Variants in FBRSL1 observed in about 807,000 individuals in gnomAD.
The protein encoded by FBRSL1 is fibrosin like 1.
FBRSL1 carries 51 observed loss-of-function variants against 89.6 expected under a neutral mutation model. That is an observed-to-expected ratio of 0.57 (90% CI 0.45 to 0.72). The LOEUF (loss-of-function observed/expected upper bound fraction) is 0.72, where lower values mean the gene tolerates loss of function less well. Among genes scored for constraint, FBRSL1 ranks in the 30% least tolerant of loss-of-function variants. The pLI, the probability that FBRSL1 is intolerant of heterozygous loss-of-function variation, is 0.00. For synonymous variants in FBRSL1, 779 were observed against 681.1 expected (o/e 1.14, Z -2.24); for missense variants, 1,618 against 1,451.8 (o/e 1.11, Z -1.86).
At chr12:132,537,591 T>G (rs906760778) in intron 4 of FBRSL1, among the ~76,000 whole-genome samples, 1 of 152,202 alleles carries the variant, frequency 6.6e-6, no homozygotes, top group Admixed American at 6.5e-5. Context: ...GGTGTCTAAT[T>G]CTGCACATGT....
Position 132,583,700 on chromosome 12 carries a change from T to A in FBRSL1, c.2931T>A (p.Thr977=). The A allele has an allele frequency of 3.4e-6, 4 of 1,188,730 alleles. No homozygotes were observed. Among genetic ancestry groups the A allele is most frequent in the Non-Finnish European group, 4.2e-6 (4 of 960,412 alleles). 73.6% of individuals were successfully genotyped at this position (1,188,730 alleles called of 1,614,324 possible). The change falls in exon 19 of 19, where the codon ACT becomes ACA. Residue 977 remains threonine, a synonymous_variant. Coordinates refer to ENST00000680143, the MANE Select transcript of FBRSL1 (RefSeq NM_001367871.1). ...TPPGPPRSRT[T]PLGGLGPGEA... is the part of the protein sequence containing the mutation. The stretch of plus-strand genomic sequence containing the variant: ...CCGGGCCGCCGCGGAGCCGGACTAC[T>A]CCGCTGGGGGGCCTCGGGCCGGGCG...
intron 5 of FBRSL1, among the ~76,000 whole-genome samples, chr12:132,561,796 T>C (rs955395892): frequency 6.6e-6 from 1 of 152,164 alleles, no homozygotes; most frequent in African/African-American, 2.4e-5. Context: ...AGGAGGATGG[T>C]GCAGGCCCAG....
chr12:132,548,167 G>A (rs79009737), intron 5 of FBRSL1, 135 bp downstream of exon 5: 136,500 of 1,046,708 alleles, frequency 0.13, 9,823 homozygotes, highest in Non-Finnish European at 0.15. Context: ...GGTGGGTGCA[G>A]GGGGCTTGTG....
chr12:132,560,260 G>A (rs1205820234), intron 5 of FBRSL1: 2 of 151,982 alleles, frequency 1.3e-5, no homozygotes, highest in African/African-American at 4.8e-5. Context: ...TCCAGAGAGG[G>A]AATTGGGACT....
intron 2 of FBRSL1, among the ~76,000 whole-genome samples, chr12:132,524,409 C>T (rs1418876853): frequency 3.3e-5 from 5 of 152,374 alleles, no homozygotes; most frequent in Admixed American, 6.5e-5. Flanking sequence ...TCCCTTAATT[C>T]GCACTGGCAC....
At chr12:132,528,075 C>T (rs961109765) in intron 4 of FBRSL1, 87 bp downstream of exon 4, 24 of 1,221,492 alleles carry the variant, frequency 2.0e-5, no homozygotes, top group Non-Finnish European at 2.6e-5. Context: ...GGCCCCACAA[C>T]TTAGCTCACC....
chr12:132,500,177 C>T (rs1451088984), intron 1 of FBRSL1, among the ~76,000 whole-genome samples: 2 of 152,184 alleles, frequency 1.3e-5, no homozygotes, highest in Non-Finnish European at 2.9e-5. Flanking sequence ...GACCCTGCCC[C>T]ACTGAGGCCA....
chr12:132,490,797 C>G lies in FBRSL1; in HGVS notation c.227C>G (p.Ser76Trp). The G allele has an allele frequency of 1.5e-6, 2 of 1,327,250 alleles. No individual in the cohort carries two copies. The highest frequency in any genetic ancestry group is 1.9e-6 in the Non-Finnish European group (2 of 1,036,138). The allele number at this position is 1,327,250 out of a possible 1,614,324, so 82.2% of individuals were successfully genotyped here. The change falls in exon 1 of 19, where the codon TCG becomes TGG. Residue 76 changes from serine (S) to tryptophan (W), a missense_variant. Ser to Trp is a radical substitution (Grantham distance 177, BLOSUM62 -3). Transcript: ENST00000680143. ...PPRRRRRESSSQEEEVIDGFA... is the reference protein window; with the variant it reads ...PPRRRRRESSWQEEEVIDGFA... ...CGCCGCCGCCGCCGCGAGTCCAGCTCGCAGGAGGAGGAGGTCATCGACGGC... is the reference window on the plus strand; with the variant it reads ...CGCCGCCGCCGCCGCGAGTCCAGCTGGCAGGAGGAGGAGGTCATCGACGGC...
chr12:132,575,011 G>A (rs545468971), intron 14 of FBRSL1, among the ~76,000 whole-genome samples: 5 of 152,116 alleles, frequency 3.3e-5, no homozygotes, highest in African/African-American at 4.8e-5. Flanking sequence ...CGGGAGCCCC[G>A]CGGGCAGCTC....
rs931323726 is a variant in FBRSL1, at chr12:132,510,400, C to T, written c.489+2050C>T. On this transcript the variant is annotated intron_variant, in intron 2 of 18. Coordinates refer to ENST00000680143, the MANE Select transcript of FBRSL1 (RefSeq NM_001367871.1). ...CGGTCCCGGTGGACCCGATCCTGTGCCCCCGGGATGGCCCGTCAGGCCCCA... is the reference window on the plus strand; with the variant it reads ...CGGTCCCGGTGGACCCGATCCTGTGTCCCCGGGATGGCCCGTCAGGCCCCA... 2.2e-5 allele frequency: 27 copies of T among 1,231,996 alleles called. No individual in the cohort carries two copies. The East Asian group carries it at 4.7e-4, about 22-fold the overall frequency. 76.3% of individuals were successfully genotyped at this position (1,231,996 alleles called of 1,614,324 possible). A position where few individuals can be genotyped will look rare whatever the true frequency, so the allele number is the denominator to read the frequency against.
At chr12:132,527,734 G>A (rs1173894225) in intron 3 of FBRSL1, among the ~76,000 whole-genome samples, 1 of 144,538 alleles carries the variant, frequency 6.9e-6, no homozygotes, top group Non-Finnish European at 1.6e-5. Flanking sequence ...CTGCGGGGCA[G>A]GGTTGAGGGC....
At chr12:132,536,901 G>A (rs571560288) in intron 4 of FBRSL1, among the ~76,000 whole-genome samples, 18 of 152,360 alleles carry the variant, frequency 1.2e-4, no homozygotes, top group South Asian at 4.1e-4. Context: ...ATGTGTGTAC[G>A]TAACGGTGTC....
intron 4 of FBRSL1, among the ~76,000 whole-genome samples, chr12:132,532,892 C>T (rs1334721962): frequency 6.6e-6 from 1 of 152,168 alleles, no homozygotes; most frequent in Non-Finnish European, 1.5e-5. Flanking sequence ...AGGTGGGACA[C>T]TGCAGATGCC....
At chr12:132,497,321 G>T (rs1472892201) in intron 1 of FBRSL1, among the ~76,000 whole-genome samples, 1 of 152,136 alleles carries the variant, frequency 6.6e-6, no homozygotes, top group Non-Finnish European at 1.5e-5. Context: ...AGTGGAGGCT[G>T]GGGGAGAGGA....
Position 132,576,867 on chromosome 12 carries a change from C to T in FBRSL1, c.1770C>T (p.Ala590=), listed in dbSNP as rs925295356. The change falls in exon 15 of 19, where the codon GCC becomes GCT. Residue 590 remains alanine, a synonymous_variant. Coordinates refer to ENST00000680143, the MANE Select transcript of FBRSL1 (RefSeq NM_001367871.1). ...TGGACCTGTTCGGCAGACCCCCTGC[C>T]CCGGGCGTGTTTGCAGGCTTCCACT... is the stretch of plus-strand genomic sequence containing the variant. ...AKLDLFGRPP[A]PGVFAGFHYP... is the part of the protein sequence containing the mutation. 3 of 1,551,018 alleles carry T rather than the reference C, an allele frequency of 1.9e-6. No homozygotes were observed. The highest frequency in any genetic ancestry group is 2.4e-5 in the South Asian group (2 of 84,030).
intron 4 of FBRSL1, among the ~76,000 whole-genome samples, chr12:132,533,548 C>T (rs943240812): frequency 2.0e-5 from 3 of 152,274 alleles, no homozygotes; most frequent in Admixed American, 2.0e-4. Context: ...GTGTGGGTAC[C>T]GTAGGGGTGG....
chr12:132,538,186 C>A (rs950759296), intron 4 of FBRSL1, among the ~76,000 whole-genome samples: 1 of 152,136 alleles, frequency 6.6e-6, no homozygotes, highest in African/African-American at 2.4e-5. Flanking sequence ...ACGGAAGGGG[C>A]CTGGGAGGGT....
In FBRSL1 at chr12:132,534,419, G is replaced by A. The variant is rs145171462; in HGVS notation, c.615+6431G>A. On this transcript the variant is annotated intron_variant, in intron 4 of 18. Transcript: ENST00000680143. Reference sequence around the variant, plus strand: ...AGACCTCGCCTCCATCTGCAGATGCGGAAGCCGAGGCCCAGGCATCAGCTG... The same window carrying A: ...AGACCTCGCCTCCATCTGCAGATGCAGAAGCCGAGGCCCAGGCATCAGCTG... Among the ~76,000 whole-genome samples, 489 of 152,346 alleles carry A rather than the reference G, an allele frequency of 3.2e-3. 3 individuals carry two copies. The highest frequency in any genetic ancestry group is 6.6e-3 in the Admixed American group (101 of 15,306).
chr12:132,505,284 C>A (rs892867292), intron 1 of FBRSL1, among the ~76,000 whole-genome samples: 1 of 152,202 alleles, frequency 6.6e-6, no homozygotes, highest in African/African-American at 2.4e-5. Flanking sequence ...CTTCCCCATG[C>A]GAACCTTCTG....
Sources: allele counts gnomAD v4.1 joint callset (sites outside exome capture counted in the v4.1 genomes callset), GRCh38; gene constraint gnomAD v4.1.1; transcripts MANE v1.5; gene names NCBI Gene and HGNC (gene_info 2026-07-23, HGNC 2026-07-21).